ZFHX4: variants seen among roughly 807,000 people sequenced by gnomAD.
ZFHX4 encodes the protein zinc finger homeobox protein 4.
In ZFHX4, 56 loss-of-function variants were observed where a neutral mutation model predicts 267.6. The ratio of observed to expected loss-of-function variants is 0.21; its 90% CI spans 0.17 to 0.26. The LOEUF (loss-of-function observed/expected upper bound fraction) is 0.26, where lower values mean the gene tolerates loss of function less well. ZFHX4 is among the 10% of genes least tolerant of loss of function. ZFHX4 has a pLI of 1.00. For missense variants in ZFHX4, 4,332 were observed against 4,420.0 expected (o/e 0.98, Z 0.56); for synonymous variants, 1,778 against 1,665.6 (o/e 1.07, Z -1.64).
chr8:76,814,050 T>A (rs1267512355), intron 4 of ZFHX4, among the ~76,000 whole-genome samples: 4 of 152,096 alleles, frequency 2.6e-5, no homozygotes, highest in Non-Finnish European at 5.9e-5. Context: ...ATGCTATTCT[T>A]CCGTAACATT....
intron 1 of ZFHX4, among the ~76,000 whole-genome samples, chr8:76,694,050 A>T (rs1429061048): frequency 1.3e-5 from 2 of 152,202 alleles, no homozygotes; most frequent in African/African-American, 2.4e-5. Flanking sequence ...TCTTTTCTAG[A>T]AGTCTGTTAT....
chr8:76,809,601 A>G (rs940992880), intron 4 of ZFHX4, among the ~76,000 whole-genome samples: 3 of 152,184 alleles, frequency 2.0e-5, no homozygotes, highest in African/African-American at 7.2e-5. Context: ...CTGTAGAACC[A>G]TTATCAGTAC....
At position 76,681,426 on chromosome 8, in the gene ZFHX4, A is replaced by G. The variant is rs1807525423; in HGVS notation, c.-241A>G. The G allele has an allele frequency of 5.0e-6, 2 of 398,240 alleles. No homozygotes were observed. Among genetic ancestry groups the G allele is most frequent in the Admixed American group, 8.8e-5 (2 of 22,662 alleles). The allele number at this position is 398,240 out of a possible 1,614,324, so 24.7% of individuals were successfully genotyped here. On this transcript the variant is annotated 5_prime_UTR_variant, in exon 1 of 11. Transcript: ENST00000651372. ...TGCTTTAACTCCTCCCGGACCCCCG[A>G]GGACCGCTCCATGCCCCCCACTTTC...
intron 4 of ZFHX4, among the ~76,000 whole-genome samples, chr8:76,787,866 A>T (rs899770792): frequency 6.6e-6 from 1 of 151,898 alleles, no homozygotes; most frequent in Non-Finnish European, 1.5e-5. Context: ...TTAGGAAAAG[A>T]TAGTTAATGA....
rs1001836214 is a variant in ZFHX4 at position 76,706,074 on chromosome 8, T to C, written c.1986T>C (p.His662=). ...AATATCAGCAGACCCTGGAGGCCCA[T>C]ATGAAGGAGAAACACCCTGAGCCGG... is the stretch of plus-strand genomic sequence containing the variant. The part of the protein sequence containing the change: ...HYKYQQTLEA[H]MKEKHPEPGG... The change falls in exon 2 of 11, where the codon CAT becomes CAC. Residue 662 remains histidine (H), a synonymous_variant. Coordinates refer to ENST00000651372, the MANE Select transcript of ZFHX4 (RefSeq NM_024721.5). 6.2e-7 allele frequency: 1 copy of C among 1,613,370 alleles called. No individual in the cohort carries two copies. The highest frequency in any genetic ancestry group is 1.7e-5 in the Admixed American group (1 of 59,966).
intron 4 of ZFHX4, among the ~76,000 whole-genome samples, chr8:76,795,472 G>A (rs188146893): frequency 9.4e-4 from 142 of 150,840 alleles, no homozygotes; most frequent in Admixed American, 5.2e-3. Flanking sequence ...ATGGGGTCTC[G>A]CTGTGTTGTC....
At chr8:76,793,431 A>T (rs921602452) in intron 4 of ZFHX4, among the ~76,000 whole-genome samples, 1 of 152,228 alleles carries the variant, frequency 6.6e-6, no homozygotes, top group Non-Finnish European at 1.5e-5. Context: ...ACTGTTTTGA[A>T]GTTAAAAATC....
At chr8:76,725,011 G>A (rs1808816251) in intron 3 of ZFHX4, among the ~76,000 whole-genome samples, 1 of 152,020 alleles carries the variant, frequency 6.6e-6, no homozygotes, top group Non-Finnish European at 1.5e-5. Flanking sequence ...AGGTATATGG[G>A]GGGATGTGTA....
chr8:76,856,096 A>G lies in ZFHX4; in HGVS notation c.9175A>G (p.Met3059Val), dbSNP rs201046523. Residue 3059 changes from methionine to valine, a missense_variant, in exon 10 of 11, where the codon ATG (methionine) becomes GTG (valine). By Grantham distance (21) the Met-to-Val change is conservative. Around this residue, in one of 7 missense-constraint regions of ZFHX4, gnomAD observed 1,648 missense variants for 1,625.0 expected, o/e 1.01. Coordinates refer to ENST00000651372, the MANE Select transcript of ZFHX4 (RefSeq NM_024721.5). ...YLAPTTVRQL[M>V]AQQELDRIKK... ...GGCTCCGACCACGGTTCGGCAGCTG[A>G]TGGCACAGCAAGAACTTGATCGTAT... The G allele has an allele frequency of 2.0e-5, 33 of 1,613,886 alleles. No individual in the cohort carries two copies. Among genetic ancestry groups the G allele is most frequent in the Non-Finnish European group, 2.7e-5 (32 of 1,179,876 alleles).
In ZFHX4 at chr8:76,853,518, T is replaced by A. The variant is rs373226406; in HGVS notation, c.6597T>A (p.Pro2199=). Residue 2199 remains proline, a synonymous_variant, in exon 10 of 11, where the codon CCT becomes CCA. Coordinates refer to ENST00000651372, the MANE Select transcript of ZFHX4 (RefSeq NM_024721.5). The stretch of plus-strand genomic sequence containing the variant: ...CACCATACAACTTCAGTAACCCTCC[T>A]ATAACGGTTTTAGAAGATATCAGAA... ...KDSPYNFSNP[P]ITVLEDIRID... 2.9e-5 allele frequency: 46 copies of A among 1,613,786 alleles called. No individual in the cohort carries two copies. In the African/African-American group the frequency reaches 5.9e-4, roughly 21 times the overall value.
intron 8 of ZFHX4, chr8:76,849,993 A>C: frequency 1.7e-6 from 1 of 572,790 alleles, no homozygotes; most frequent in Non-Finnish European, 3.1e-6. Flanking sequence ...CTTGCATTTC[A>C]AACTTGCTTC....
chr8:76,817,129 T>C (rs1233336540), intron 4 of ZFHX4, among the ~76,000 whole-genome samples: 2 of 152,122 alleles, frequency 1.3e-5, no homozygotes, highest in Non-Finnish European at 2.9e-5. Context: ...ACAGATAGAA[T>C]ATTGTGGATT....
chr8:76,809,305 T>C (rs777227249), intron 4 of ZFHX4, among the ~76,000 whole-genome samples: 4 of 152,204 alleles, frequency 2.6e-5, no homozygotes, highest in Non-Finnish European at 5.9e-5. Flanking sequence ...CAGGGCATTT[T>C]TGCAAGTGTG....
chr8:76,859,778 T>G (rs560540184), intron 10 of ZFHX4, among the ~76,000 whole-genome samples: 1 of 152,102 alleles, frequency 6.6e-6, no homozygotes, highest in Admixed American at 6.6e-5. Flanking sequence ...TACATAATTA[T>G]TTTCATTTCC....
chr8:76,822,452 CTT>C (rs5892566), intron 4 of ZFHX4, among the ~76,000 whole-genome samples: 9 of 116,128 alleles, frequency 7.8e-5, no homozygotes, highest in African/African-American at 2.9e-4. Context: ...GTGTCTACCT[CTT>C]TTTTTTTTTT....
intron 3 of ZFHX4, among the ~76,000 whole-genome samples, chr8:76,721,932 C>G (rs1808732493): frequency 6.6e-6 from 1 of 152,000 alleles, no homozygotes; most frequent in African/African-American, 2.4e-5. Context: ...ACTTTTCTTG[C>G]TAACTGACAG....
chr8:76,756,913 A>G (rs1370844734), intron 3 of ZFHX4, among the ~76,000 whole-genome samples: 10 of 152,176 alleles, frequency 6.6e-5, no homozygotes. Flanking sequence ...TGTGTCTATT[A>G]TATATCCCCA....
Position 76,836,816 on chromosome 8 carries a change from G to A in ZFHX4, c.3394+3410G>A, listed in dbSNP as rs1272700528. The stretch of plus-strand genomic sequence containing the variant: ...TTATCTAGTTATAAGACCATTGCAG[G>A]AATATAGGTAAGAGATTAAAGGTAC... On this transcript the variant is annotated intron_variant, in intron 5 of 10. Coordinates refer to ENST00000651372, the MANE Select transcript of ZFHX4 (RefSeq NM_024721.5). Among the ~76,000 whole-genome samples, 16 of 152,084 alleles carry A rather than the reference G, an allele frequency of 1.1e-4. 1 individual carries two copies. Among genetic ancestry groups the A allele is most frequent in the African/African-American group, 2.4e-5 (1 of 41,420 alleles).
At chr8:76,816,079 T>G (rs571827127) in intron 4 of ZFHX4, among the ~76,000 whole-genome samples, 1 of 152,290 alleles carries the variant, frequency 6.6e-6, no homozygotes, top group East Asian at 1.9e-4. Flanking sequence ...CTAGGTCCAC[T>G]CCCTCATTTT....
Sources: allele counts gnomAD v4.1 joint callset (sites outside exome capture counted in the v4.1 genomes callset), GRCh38; gene constraint gnomAD v4.1.1; regional missense constraint gnomAD v4.1.1; transcripts MANE v1.5; gene names NCBI Gene and HGNC (gene_info 2026-07-23, HGNC 2026-07-21).